The following ST6GAL1 variants were observed in gnomAD, a reference collection of about 807,000 sequenced individuals.
The protein encoded by ST6GAL1 is ST6 beta-galactoside alpha-2,6-sialyltransferase 1.
Under a neutral mutation model 38.0 loss-of-function variants are expected in ST6GAL1, and 20 were observed. That is an observed-to-expected ratio of 0.53 (90% CI 0.37 to 0.77). The LOEUF is 0.77. ST6GAL1 is among the 30% of genes least tolerant of loss of function. The probability of loss-of-function intolerance (pLI) is 0.00; values close to 1 mark genes in which losing one functional copy is unlikely to be tolerated. For missense variants in ST6GAL1, 432 were observed against 496.4 expected, an observed-to-expected ratio of 0.87 and a Z score of 1.23; for synonymous variants, 196 against 188.2, an observed-to-expected ratio of 1.04 and a Z score of -0.34.
At chr3:186,946,919 G>C (rs374643161) in intron 1 of ST6GAL1, among the ~76,000 whole-genome samples, 1 of 152,090 alleles carries the variant, frequency 6.6e-6, no homozygotes, top group African/African-American at 2.4e-5. Flanking sequence ...TTATCAATCA[G>C]ATGGACAGCT....
chr3:187,023,396 G>T lies in ST6GAL1; in HGVS notation c.-182-15346G>T, dbSNP rs571889576. 2.6e-5 allele frequency among the ~76,000 whole-genome samples: 4 copies of T among 152,258 alleles called. No individual in the cohort carries two copies. In the East Asian group the frequency reaches 7.7e-4, roughly 29 times the overall value. On this transcript the variant is annotated intron_variant, in intron 2 of 7. Coordinates refer to ENST00000169298, the MANE Select transcript of ST6GAL1 (RefSeq NM_173216.2). ...GTGCTGGAGGGGTTAGGGATTTCTG[G>T]CTGGCTTCTCTACTGCTGTGTCTGC...
intron 2 of ST6GAL1, among the ~76,000 whole-genome samples, chr3:186,999,180 T>C (rs73888340): frequency 0.018 from 2,784 of 152,298 alleles, 84 homozygotes; most frequent in African/African-American, 0.064. Context: ...GTTAAGGGAA[T>C]CCTTTCACTA....
intron 5 of ST6GAL1, among the ~76,000 whole-genome samples, chr3:187,070,326 T>C (rs564584232): frequency 6.6e-6 from 1 of 151,912 alleles, no homozygotes; most frequent in African/African-American, 2.4e-5. Context: ...ACTCACACAT[T>C]CAGGGGTTTG....
intron 1 of ST6GAL1, among the ~76,000 whole-genome samples, chr3:186,938,468 A>G (rs962160845): frequency 6.6e-6 from 1 of 152,240 alleles, no homozygotes; most frequent in Non-Finnish European, 1.5e-5. Context: ...AGTGCCAGGT[A>G]TACAAGAAGC....
intron 2 of ST6GAL1, among the ~76,000 whole-genome samples, chr3:187,011,527 G>A (rs1488751039): frequency 6.6e-6 from 1 of 152,098 alleles, no homozygotes; most frequent in African/African-American, 2.4e-5. Flanking sequence ...TCTGAAAATG[G>A]TAGCTTTTGT....
At position 187,073,994 on chromosome 3, in the gene ST6GAL1, G is replaced by A. The variant is rs536261771; in HGVS notation, c.805-165G>A. ...CACCCTGCTATCCAGTGAAACCTGC[G>A]GCTGGAAGAGAAACCTGTAGTCTGC... is the stretch of plus-strand genomic sequence containing the variant. On this transcript the variant is annotated intron_variant, in intron 6 of 7. Transcript: ENST00000169298. 1.1e-4 allele frequency: 60 copies of A among 571,380 alleles called. 2 individuals are homozygous for A. In the South Asian group the frequency reaches 1.8e-3, roughly 17 times the overall value. 35.4% of individuals were successfully genotyped at this position (571,380 alleles called of 1,614,324 possible). A position where few individuals can be genotyped will look rare whatever the true frequency, so the allele number is the denominator to read the frequency against.
In ST6GAL1 at chr3:187,075,495, A is replaced by C. The variant is rs1719528103; in HGVS notation, c.980-67A>C. 1 of 1,585,818 alleles carries C rather than the reference A, an allele frequency of 6.3e-7. No individual in the cohort carries two copies. The highest frequency in any genetic ancestry group is 1.3e-5 in the African/African-American group (1 of 74,524). ...TTTGGGGTCATGAGCTGCTGAACCC[A>C]CTGGGCAGAGCTCTGGGGTGCTGGG... is the stretch of plus-strand genomic sequence containing the variant. On this transcript the variant is annotated intron_variant, in intron 7 of 7. Transcript: ENST00000169298. This position sits in a 1 kb window ranked among gnomAD's most constrained non-coding sequence, Gnocchi z 4.1.
chr3:187,021,030 T>A (rs1717280168), intron 2 of ST6GAL1, among the ~76,000 whole-genome samples: 1 of 151,634 alleles, frequency 6.6e-6, no homozygotes, highest in African/African-American at 2.4e-5. Flanking sequence ...AATGGCGTGA[T>A]CTCTGCCCAC....
chr3:187,004,994 G>A (rs1179361720), intron 2 of ST6GAL1, among the ~76,000 whole-genome samples: 1 of 152,094 alleles, frequency 6.6e-6, no homozygotes, highest in Non-Finnish European at 1.5e-5. Flanking sequence ...CTCCCTAGGA[G>A]CTTCTAAGTC....
At chr3:187,051,573 C>T (rs1024059457) in intron 5 of ST6GAL1, 2 of 469,738 alleles carry the variant, frequency 4.3e-6, no homozygotes, top group Non-Finnish European at 3.9e-6. Context: ...ATGGAGGTGT[C>T]TGGTACCCAG....
At chr3:186,980,510 A>G (rs1181563281) in intron 2 of ST6GAL1, among the ~76,000 whole-genome samples, 13 of 151,822 alleles carry the variant, frequency 8.6e-5, no homozygotes, top group Non-Finnish European at 1.8e-4. Context: ...CTGTAATCCC[A>G]GGACTTTTGG....
chr3:186,960,016 C>A (rs1338393070), intron 1 of ST6GAL1, among the ~76,000 whole-genome samples: 1 of 152,084 alleles, frequency 6.6e-6, no homozygotes, highest in African/African-American at 2.4e-5. Context: ...ACAGAGCACT[C>A]GAGCAATGGT....
At chr3:187,014,702 C>T (rs1254529190) in intron 2 of ST6GAL1, among the ~76,000 whole-genome samples, 3 of 152,212 alleles carry the variant, frequency 2.0e-5, no homozygotes, top group Non-Finnish European at 4.4e-5. Context: ...CATCTGGCCT[C>T]TCCCATTTGC....
chr3:186,965,528 G>A (rs1715076479), intron 2 of ST6GAL1, among the ~76,000 whole-genome samples: 1 of 152,140 alleles, frequency 6.6e-6, no homozygotes, highest in Non-Finnish European at 1.5e-5. Context: ...AGAATTGTAG[G>A]TTCAGAAAAT....
intron 1 of ST6GAL1, among the ~76,000 whole-genome samples, chr3:186,935,974 G>T (rs1039868249): frequency 2.1e-5 from 3 of 145,548 alleles, no homozygotes; most frequent in Non-Finnish European, 1.5e-5. Flanking sequence ...TGTATTTACC[G>T]ACAAACAGGT....
intron 2 of ST6GAL1, among the ~76,000 whole-genome samples, chr3:187,027,564 A>C (rs1316436173): frequency 1.3e-5 from 2 of 152,164 alleles, no homozygotes; most frequent in Non-Finnish European, 2.9e-5. Flanking sequence ...AAGAGGGTAA[A>C]TAGTGAAGTG....
intron 1 of ST6GAL1, among the ~76,000 whole-genome samples, chr3:186,947,777 A>G (rs1391165946): frequency 6.6e-6 from 1 of 152,192 alleles, no homozygotes; most frequent in Non-Finnish European, 1.5e-5. Flanking sequence ...ATTAGTTTTT[A>G]TGTTCAAATT....
intron 5 of ST6GAL1, among the ~76,000 whole-genome samples, chr3:187,068,065 G>A (rs1323957423): frequency 6.6e-6 from 1 of 151,546 alleles, no homozygotes; most frequent in African/African-American, 2.4e-5. Context: ...TCTCTGGGCC[G>A]GGTGTGGTGG....
intron 2 of ST6GAL1, among the ~76,000 whole-genome samples, chr3:187,020,445 A>G (rs1050211018): frequency 3.9e-5 from 6 of 152,226 alleles, no homozygotes; most frequent in Non-Finnish European, 4.4e-5. Flanking sequence ...TGGTGGTAAG[A>G]ATTAAATTTG....
Sources: allele counts gnomAD v4.1 joint callset (sites outside exome capture counted in the v4.1 genomes callset), GRCh38; gene constraint gnomAD v4.1.1; non-coding constraint Gnocchi (gnomAD v3.1); transcripts MANE v1.5; gene names NCBI Gene and HGNC (gene_info 2026-07-23, HGNC 2026-07-21).